The following LARP1B variants were observed in gnomAD, a reference collection of about 807,000 sequenced individuals.
LARP1B encodes la-related protein 1B.
LARP1B carries 76 observed loss-of-function variants against 114.2 expected under a neutral mutation model. The ratio of observed to expected loss-of-function variants is 0.67; its 90% CI spans 0.55 to 0.81. The LOEUF (loss-of-function observed/expected upper bound fraction) is 0.81. Ranked by LOEUF, LARP1B falls within the 30% of genes least tolerant of loss-of-function variation. The pLI, the probability that LARP1B is intolerant of heterozygous loss-of-function variation, is 0.00. For synonymous variants in LARP1B, 345 were observed against 348.0 expected, an observed-to-expected ratio of 0.99 and a Z score of 0.10; for missense variants, 1,014 against 1,075.8, an observed-to-expected ratio of 0.94 and a Z score of 0.80.
intron 15 of LARP1B, among the ~76,000 whole-genome samples, chr4:128,181,180 C>CTTTTTTTTTTTTTTTTTTTT (rs70966086): frequency 7.7e-6 from 1 of 130,002 alleles, no homozygotes; most frequent in Non-Finnish European, 1.7e-5. Flanking sequence ...CTCATCCATT[C>CTTTTTTTTTTTTTTTTTTTT]TTTTTTTTTT....
In LARP1B at chr4:128,110,088, G is replaced by A. The variant is rs998941939; in HGVS notation, c.988+2775G>A. Reference sequence around the variant, plus strand: ...TTGGCTTATTTTTGTATTTTTAGTAGAGATGGAGTTTCACCATGTTGGTCA... The same window carrying A: ...TTGGCTTATTTTTGTATTTTTAGTAAAGATGGAGTTTCACCATGTTGGTCA... On this transcript the variant is annotated intron_variant, in intron 9 of 19. Transcript: ENST00000326639. Among the ~76,000 whole-genome samples the A allele has an allele frequency of 9.2e-5, 14 of 152,104 alleles. No individual in the cohort carries two copies. In the East Asian group the frequency reaches 2.5e-3, roughly 27 times the overall value.
intron 7 of LARP1B, chr4:128,092,831 G>C: frequency 1.0e-6 from 1 of 985,404 alleles, no homozygotes; most frequent in Non-Finnish European, 1.2e-6. Flanking sequence ...TGCTTGACAT[G>C]TGGCTGTCAA....
At chr4:128,095,217 G>A (rs763143736) in intron 7 of LARP1B, among the ~76,000 whole-genome samples, 9 of 152,138 alleles carry the variant, frequency 5.9e-5, no homozygotes, top group Admixed American at 3.9e-4. Context: ...GCCAGGGCAT[G>A]GTGGCTCACT....
At chr4:128,193,417 T>C (rs1475430043) in intron 15 of LARP1B, among the ~76,000 whole-genome samples, 1 of 152,196 alleles carries the variant, frequency 6.6e-6, no homozygotes, top group Non-Finnish European at 1.5e-5. Context: ...CCTGCTCTGG[T>C]TCTCTGATGG....
At chr4:128,096,024 C>G (rs376462937) in intron 7 of LARP1B, among the ~76,000 whole-genome samples, 1 of 129,052 alleles carries the variant, frequency 7.7e-6, no homozygotes, top group Non-Finnish European at 1.6e-5. Flanking sequence ...GACGGAGTCT[C>G]GCTCTGTTGC....
intron 15 of LARP1B, among the ~76,000 whole-genome samples, chr4:128,183,140 G>T (rs1165328992): frequency 2.0e-5 from 3 of 152,300 alleles, no homozygotes; most frequent in Admixed American, 2.0e-4. Context: ...AATAAAAGTG[G>T]CTACATTTCT....
chr4:128,073,394 C>G (rs1429787043), intron 1 of LARP1B, among the ~76,000 whole-genome samples: 2 of 103,572 alleles, frequency 1.9e-5, no homozygotes, highest in African/African-American at 3.8e-5. Flanking sequence ...CCAGCCTGGG[C>G]GACAGAGTGA....
At chr4:128,171,733 A>G (rs1004166361) in intron 12 of LARP1B, among the ~76,000 whole-genome samples, 1 of 152,020 alleles carries the variant, frequency 6.6e-6, no homozygotes, top group Non-Finnish European at 1.5e-5. Flanking sequence ...GAATGTCTTT[A>G]TTTCACCTCA....
chr4:128,073,122 A>G (rs1766013482), intron 1 of LARP1B, among the ~76,000 whole-genome samples: 1 of 152,114 alleles, frequency 6.6e-6, no homozygotes, highest in Non-Finnish European at 1.5e-5. Context: ...CTTGAAAGAT[A>G]TACTACCTTG....
chr4:128,084,295 C>T (rs1311669575), intron 5 of LARP1B, among the ~76,000 whole-genome samples: 2 of 152,154 alleles, frequency 1.3e-5, no homozygotes, highest in Non-Finnish European at 2.9e-5. Flanking sequence ...GAGGTTGTAG[C>T]GAGCTGAGAT....
chr4:128,078,089 C>T, intron 4 of LARP1B, 127 bp downstream of exon 4: 1 of 600,258 alleles, frequency 1.7e-6, no homozygotes, highest in Non-Finnish European at 2.7e-6. Context: ...GATAAACAAT[C>T]TGCAGAGGTA....
intron 11 of LARP1B, among the ~76,000 whole-genome samples, chr4:128,140,337 A>G (rs1420521832): frequency 6.6e-6 from 1 of 152,318 alleles, no homozygotes; most frequent in East Asian, 1.9e-4. Context: ...AAAAGTAGCT[A>G]TATAGTAGAG....
chr4:128,123,579 A>G (rs895562854), intron 11 of LARP1B: 5 of 380,638 alleles, frequency 1.3e-5, no homozygotes, highest in African/African-American at 4.4e-5. Flanking sequence ...TGTAATACCA[A>G]TGACAATAGG....
At chr4:128,107,094 C>A (rs762873128) in intron 8 of LARP1B, 45 bp from the exon 9 acceptor site, 2 of 1,507,088 alleles carry the variant, frequency 1.3e-6, no homozygotes, top group Non-Finnish European at 9.2e-7. Flanking sequence ...ATAGCACAGA[C>A]AGTGAAATAG....
Position 128,065,315 on chromosome 4 carries a change from T to TTCTC in LARP1B, c.-78+3928_-78+3931dup, listed in dbSNP as rs1197451841. Among the ~76,000 whole-genome samples, 81 of 80,654 alleles carry TTCTC rather than the reference T, an allele frequency of 1.0e-3. 1 individual carries two copies. The highest frequency in any genetic ancestry group is 1.7e-3 in the East Asian group (5 of 2,884). 52.9% of individuals were successfully genotyped at this position (80,654 alleles called of 152,430 possible). A position where few individuals can be genotyped will look rare whatever the true frequency, so the allele number is the denominator to read the frequency against. ...TTTCTTTCTTTCTTTCTTTCTTTCT[T>TTCTC]TCTCTCTCTCTCTCTCTTTCCTTTC... On this transcript the variant is annotated intron_variant, in intron 1 of 19. Transcript: ENST00000326639.
rs1035164545 is a variant in LARP1B at position 128,093,341 on chromosome 4, A to G, written c.668+1829A>G. On this transcript the variant is annotated intron_variant, in intron 7 of 19. Coordinates refer to ENST00000326639, the MANE Select transcript of LARP1B (RefSeq NM_018078.4). ...GCCAGGTGCGGTGGCTCACGCCTGTAATCCTAGCACTTTGGGAGGCCGAGG... is the reference window on the plus strand; with the variant it reads ...GCCAGGTGCGGTGGCTCACGCCTGTGATCCTAGCACTTTGGGAGGCCGAGG... Among the ~76,000 whole-genome samples, 83 of 152,122 alleles carry G rather than the reference A, an allele frequency of 5.5e-4. 2 individuals carry two copies. The highest frequency in any genetic ancestry group is 6.9e-3 in the Middle Eastern group (2 of 290).
intron 5 of LARP1B, among the ~76,000 whole-genome samples, chr4:128,084,248 G>A (rs1400840453): frequency 2.6e-5 from 4 of 152,164 alleles, no homozygotes; most frequent in African/African-American, 4.8e-5. Context: ...CTGCAATCTC[G>A]GCACTTTGGG....
rs1233767600 is a variant in LARP1B, at chr4:128,211,367, GTTC to G, written c.*1317_*1319del. The stretch of plus-strand genomic sequence containing the variant: ...TCTTTTTGAGCAGATTGGATATCTT[GTTC>G]TTATAAATTATAATATTGAAATACA... On this transcript the variant is annotated 3_prime_UTR_variant, in exon 20 of 20. Coordinates refer to ENST00000326639, the MANE Select transcript of LARP1B (RefSeq NM_018078.4). 6.3e-6 allele frequency: 6 copies of G among 949,072 alleles called. No homozygotes were observed. The African/African-American group carries it at 1.1e-4, about 17-fold the overall frequency. The allele number at this position is 949,072 out of a possible 1,614,324, so 58.8% of individuals were successfully genotyped here.
chr4:128,209,757 TC>T, intron 19 of LARP1B, 98 bp from the exon 20 acceptor site: 2 of 867,132 alleles, frequency 2.3e-6, no homozygotes. Flanking sequence ...TACTGAAGTG[TC>T]CATTTAACTT....
Sources: allele counts gnomAD v4.1 joint callset (sites outside exome capture counted in the v4.1 genomes callset), GRCh38; gene constraint gnomAD v4.1.1; transcripts MANE v1.5; gene names NCBI Gene and HGNC (gene_info 2026-07-23, HGNC 2026-07-21).